Variants in NRXN3 observed in about 807,000 individuals in gnomAD.
NRXN3 encodes neurexin III.
Under a neutral mutation model 137.6 loss-of-function variants are expected in NRXN3, and 32 were observed. That is an observed-to-expected ratio of 0.23 (90% CI 0.18 to 0.31). The LOEUF (loss-of-function observed/expected upper bound fraction) is 0.31, where lower values mean the gene tolerates loss of function less well. Among genes scored for constraint, NRXN3 ranks in the 10% least tolerant of loss-of-function variants. The probability of loss-of-function intolerance (pLI) is 1.00; values close to 1 mark genes in which losing one functional copy is unlikely to be tolerated. For synonymous variants in NRXN3, 798 were observed against 784.5 expected (o/e 1.02, Z -0.29); for missense variants, 1,574 against 2,062.5 (o/e 0.76, Z 4.59).
rs191737808 is a variant in NRXN3 at position 78,500,174 on chromosome 14, T to C, written c.758-144946T>C. ...AGAGAATTCAATTTATTAGAACAGG[T>C]CTGAATGGTACAGAGGTGCTTTAAT... On this transcript the variant is annotated intron_variant, in intron 4 of 20. Transcript: ENST00000335750. Among the ~76,000 whole-genome samples, 8 of 152,284 alleles carry C rather than the reference T, an allele frequency of 5.3e-5. No individual in the cohort carries two copies. In the East Asian group the frequency reaches 1.5e-3, roughly 29 times the overall value.
chr14:79,150,669 G>T (rs2059716982), intron 15 of NRXN3, among the ~76,000 whole-genome samples: 1 of 150,546 alleles, frequency 6.6e-6, no homozygotes, highest in East Asian at 2.0e-4. Context: ...AATAAGAGCT[G>T]CTACTTCTCT....
chr14:78,695,468 G>C (rs140975427), intron 6 of NRXN3: 1 of 151,932 alleles, frequency 6.6e-6, no homozygotes, highest in Non-Finnish European at 1.5e-5. Flanking sequence ...CTGATGGTCC[G>C]TTGAAAAAAA....
intron 17 of NRXN3, among the ~76,000 whole-genome samples, chr14:79,681,425 G>A (rs1276420653): frequency 6.6e-6 from 1 of 152,126 alleles, no homozygotes; most frequent in East Asian, 1.9e-4. Context: ...TGGCTTGGAT[G>A]GAGCTAGATG....
intron 1 of NRXN3, among the ~76,000 whole-genome samples, chr14:78,187,937 C>G (rs1200932372): frequency 6.6e-6 from 1 of 152,080 alleles, no homozygotes; most frequent in Non-Finnish European, 1.5e-5. Context: ...AATTTGAGCT[C>G]TAATTACAAC....
intron 1 of NRXN3, among the ~76,000 whole-genome samples, chr14:78,240,937 G>T (rs958209099): frequency 2.2e-4 from 33 of 152,296 alleles, no homozygotes; most frequent in African/African-American, 7.7e-4. Context: ...ATTATCAAAT[G>T]TGCCAGGTAA....
chr14:79,661,105 A>C (rs1030840515), intron 16 of NRXN3, among the ~76,000 whole-genome samples: 14 of 152,150 alleles, frequency 9.2e-5, no homozygotes, highest in African/African-American at 3.4e-4. Flanking sequence ...GTACAAAAAG[A>C]ACCCATAATC....
chr14:79,427,551 G>A (rs953429808), intron 15 of NRXN3, among the ~76,000 whole-genome samples: 13 of 152,086 alleles, frequency 8.5e-5, no homozygotes, highest in Non-Finnish European at 1.5e-4. Context: ...AGTGGCTCAC[G>A]CCTGTAATCC....
chr14:78,707,382 T>C (rs1010095850), intron 6 of NRXN3, among the ~76,000 whole-genome samples: 4 of 152,204 alleles, frequency 2.6e-5, no homozygotes, highest in African/African-American at 9.6e-5. Flanking sequence ...TGTTTTCTGC[T>C]TATTAAGTTT....
At chr14:78,581,986 G>A (rs572524778) in intron 4 of NRXN3, among the ~76,000 whole-genome samples, 2 of 152,196 alleles carry the variant, frequency 1.3e-5, no homozygotes, top group Non-Finnish European at 2.9e-5. Context: ...CTTTGATGCC[G>A]TATCTATCCT....
At chr14:78,403,942 C>T (rs959280819) in intron 4 of NRXN3, 2 of 930,492 alleles carry the variant, frequency 2.1e-6, no homozygotes, top group East Asian at 2.4e-4. Flanking sequence ...GTGGGCTGTT[C>T]CCCATTTGCC....
At chr14:78,848,494 A>G (rs966412998) in intron 10 of NRXN3, among the ~76,000 whole-genome samples, 29 of 151,796 alleles carry the variant, frequency 1.9e-4, no homozygotes, top group African/African-American at 7.1e-4. Flanking sequence ...CCGTGCCTTC[A>G]GATTAGAGAA....
chr14:79,120,972 G>A (rs999237026), intron 15 of NRXN3, among the ~76,000 whole-genome samples: 1 of 152,064 alleles, frequency 6.6e-6, no homozygotes, highest in Non-Finnish European at 1.5e-5. Context: ...CTCTCTAGGG[G>A]GGAAATTAAC....
chr14:79,493,647 A>G (rs2096738487), intron 16 of NRXN3, among the ~76,000 whole-genome samples: 2 of 152,320 alleles, frequency 1.3e-5, no homozygotes, highest in South Asian at 4.1e-4. Context: ...TATTCCAACT[A>G]TGATCTACTG....
At chr14:79,214,515 G>T (rs752257626) in intron 15 of NRXN3, among the ~76,000 whole-genome samples, 3 of 152,156 alleles carry the variant, frequency 2.0e-5, no homozygotes, top group Admixed American at 6.6e-5. Context: ...TGAGATGATA[G>T]ATAGGCCAAT....
At chr14:78,931,019 T>C (rs769536548) in intron 10 of NRXN3, among the ~76,000 whole-genome samples, 2 of 152,150 alleles carry the variant, frequency 1.3e-5, no homozygotes, top group Admixed American at 6.5e-5. Flanking sequence ...ATATTTAATA[T>C]AGTAAAAGGA....
At chr14:78,804,820 G>T (rs1372962345) in intron 9 of NRXN3, among the ~76,000 whole-genome samples, 1 of 152,142 alleles carries the variant, frequency 6.6e-6, no homozygotes, top group Admixed American at 6.5e-5. Flanking sequence ...TCAGCAGAAA[G>T]TCAATACCCA....
intron 16 of NRXN3, among the ~76,000 whole-genome samples, chr14:79,560,504 C>CTGTTTTTTTTTTTT (rs2097481927): frequency 2.3e-5 from 1 of 43,770 alleles, no homozygotes; most frequent in Non-Finnish European, 4.0e-5. Context: ...AGATTGTAAG[C>CTGTTTTTTTTTTTT]TTTTTTTTTT....
chr14:79,287,946 T>A lies in NRXN3; in HGVS notation c.3263-179275T>A, dbSNP rs1201332188. Among the ~76,000 whole-genome samples the A allele has an allele frequency of 2.6e-5, 4 of 152,228 alleles. No individual in the cohort carries two copies. The East Asian group carries it at 7.7e-4, about 29-fold the overall frequency. ...TTCCTTTTCATATCTTCATCATTTG[T>A]ACAATGAGAGATTTGAGTGAGATGA... On this transcript the variant is annotated intron_variant, in intron 15 of 20. Transcript: ENST00000335750.
intron 15 of NRXN3, among the ~76,000 whole-genome samples, chr14:79,311,558 T>G (rs538506826): frequency 8.9e-6 from 1 of 111,976 alleles, no homozygotes; most frequent in Non-Finnish European, 1.8e-5. Context: ...TGAATCCATC[T>G]GGTCCTGGAC....
Sources: allele counts gnomAD v4.1 joint callset (sites outside exome capture counted in the v4.1 genomes callset), GRCh38; gene constraint gnomAD v4.1.1; transcripts MANE v1.5; gene names NCBI Gene and HGNC (gene_info 2026-07-23, HGNC 2026-07-21).